NUP107: variants seen among roughly 807,000 people sequenced by gnomAD.
NUP107 encodes the protein nucleoporin 107.
Under a neutral mutation model 141.0 loss-of-function variants are expected in NUP107, and 101 were observed. The observed-to-expected ratio is 0.72, with a 90% CI of 0.61 to 0.84. The LOEUF (loss-of-function observed/expected upper bound fraction) is 0.84, where lower values mean the gene tolerates loss of function less well. NUP107 is among the 40% of genes least tolerant of loss of function. The pLI is 0.00. For synonymous variants in NUP107, 319 were observed against 363.9 expected (o/e 0.88, Z 1.41); for missense variants, 941 against 1,102.7 (o/e 0.85, Z 2.08).
chr12:68,719,736 A>G lies in NUP107; in HGVS notation c.1251+82A>G, dbSNP rs978523000. 7.0e-6 allele frequency: 7 copies of G among 995,504 alleles called. No homozygotes were observed. The African/African-American group carries it at 9.7e-5, about 14-fold the overall frequency. The allele number at this position is 995,504 out of a possible 1,614,324, so 61.7% of individuals were successfully genotyped here. Reference sequence around the variant, plus strand: ...TATTCAGGGGCTGTGAAACATTGAAAGTAGTGTAAAACTGGTTTTCAGAGA... The same window carrying G: ...TATTCAGGGGCTGTGAAACATTGAAGGTAGTGTAAAACTGGTTTTCAGAGA... On this transcript the variant is annotated intron_variant, in intron 14 of 27. Transcript: ENST00000229179.
At position 68,687,057 on chromosome 12, in the gene NUP107, G is replaced by T. The variant is rs746342759; in HGVS notation, c.-9G>T. The T allele has an allele frequency of 1.9e-6, 3 of 1,614,086 alleles. No individual in the cohort carries two copies. The highest frequency in any genetic ancestry group is 1.3e-5 in the African/African-American group (1 of 74,950). On this transcript the variant is annotated 5_prime_UTR_variant, in exon 1 of 28. Coordinates refer to ENST00000229179, the MANE Select transcript of NUP107 (RefSeq NM_020401.4). ...CCAACTTTGGTTGTGTGTGGAAAAG[G>T]CTTTAGCCATGGACAGGTCAGTACT...
intron 26 of NUP107, among the ~76,000 whole-genome samples, chr12:68,741,418 C>T (rs1181269364): frequency 1.3e-5 from 2 of 152,146 alleles, no homozygotes; most frequent in Non-Finnish European, 2.9e-5. Flanking sequence ...TGCCCCTCCC[C>T]ACATCGTCTT....
chr12:68,700,697 A>T (rs1313133503), intron 6 of NUP107, 29 bp from the exon 7 acceptor site: 3 of 1,503,158 alleles, frequency 2.0e-6, no homozygotes, highest in Non-Finnish European at 2.7e-6. Flanking sequence ...TAGAAAATTA[A>T]CCTCTTTACA....
chr12:68,706,625 GGCCGCCATC>G, intron 8 of NUP107: 1 of 709,150 alleles, frequency 1.4e-6, no homozygotes, highest in Non-Finnish European at 2.6e-6. Flanking sequence ...CTTCCCTGGA[GGCCGCCATC>G]GCAGATGCTG....
intron 12 of NUP107, among the ~76,000 whole-genome samples, chr12:68,718,598 T>C (rs1348555716): frequency 1.3e-5 from 2 of 152,100 alleles, no homozygotes; most frequent in Non-Finnish European, 2.9e-5. Flanking sequence ...GGGAACGTAT[T>C]GTTAAGCCTA....
chr12:68,713,043 G>A (rs144042498), intron 10 of NUP107, among the ~76,000 whole-genome samples: 132 of 151,912 alleles, frequency 8.7e-4, no homozygotes, highest in Non-Finnish European at 1.6e-3. Context: ...CAAAAAAATT[G>A]GTTTGACTTT....
At chr12:68,703,146 A>C (rs1235599904) in intron 8 of NUP107, among the ~76,000 whole-genome samples, 2 of 152,112 alleles carry the variant, frequency 1.3e-5, no homozygotes, top group Non-Finnish European at 2.9e-5. Flanking sequence ...GCGCCCAGCC[A>C]GGATTTTATT....
At chr12:68,736,647 C>A (rs1040174421) in intron 26 of NUP107, among the ~76,000 whole-genome samples, 7 of 151,666 alleles carry the variant, frequency 4.6e-5, no homozygotes, top group Non-Finnish European at 7.4e-5. Flanking sequence ...GAACTTCTAG[C>A]CTCAAGCTGT....
intron 18 of NUP107, among the ~76,000 whole-genome samples, chr12:68,726,124 G>A (rs970005770): frequency 6.6e-6 from 1 of 152,080 alleles, no homozygotes; most frequent in African/African-American, 2.4e-5. Flanking sequence ...ACATGGGATT[G>A]CAGGCATGAG....
At chr12:68,706,804 G>C (rs1474166624) in intron 8 of NUP107, 3 of 757,228 alleles carry the variant, frequency 4.0e-6, no homozygotes, top group Non-Finnish European at 7.4e-6. Context: ...AAAGGAAGCT[G>C]CTGGAGGATG....
chr12:68,699,606 T>C (rs2136006049), intron 6 of NUP107, among the ~76,000 whole-genome samples: 1 of 152,294 alleles, frequency 6.6e-6, no homozygotes, highest in African/African-American at 2.4e-5. Flanking sequence ...ATGTAATGAA[T>C]GAAGTACAGA....
intron 26 of NUP107, 90 bp downstream of exon 26, chr12:68,735,434 C>G: frequency 4.6e-6 from 4 of 870,968 alleles, no homozygotes; most frequent in Non-Finnish European, 7.8e-6. Flanking sequence ...GGAGCATCTA[C>G]AGATTTTACA....
At position 68,726,633 on chromosome 12, in the gene NUP107, C is replaced by G; in HGVS notation, c.1695+16C>G. The G allele has an allele frequency of 6.9e-7, 1 of 1,453,366 alleles. No individual in the cohort carries two copies. The highest frequency in any genetic ancestry group is 9.7e-7 in the Non-Finnish European group (1 of 1,035,764). 90.0% of individuals were successfully genotyped at this position (1,453,366 alleles called of 1,614,324 possible). ...ACAGACCAAGGTATATAAAAATGAA[C>G]GATTTCTTCTTCTCTGTAATGTTGA... On this transcript the variant is annotated intron_variant, in intron 19 of 27. Transcript: ENST00000229179.
At chr12:68,710,150 C>A in intron 10 of NUP107, 57 bp downstream of exon 10, 1 of 888,086 alleles carries the variant, frequency 1.1e-6, no homozygotes, top group Non-Finnish European at 1.8e-6. Flanking sequence ...GTTCATTCAT[C>A]TTTCAATAAG....
At chr12:68,721,299 G>A (rs1877339334) in intron 15 of NUP107, 122 bp downstream of exon 15, 1 of 565,084 alleles carries the variant, frequency 1.8e-6, no homozygotes, top group African/African-American at 1.9e-5. Flanking sequence ...ACATACTTAA[G>A]TGTAGCAATG....
At chr12:68,731,457 C>A (rs1877824309) in intron 21 of NUP107, 150 bp from the exon 22 acceptor site, 3 of 620,558 alleles carry the variant, frequency 4.8e-6, no homozygotes, top group Admixed American at 7.6e-5. Context: ...TTAATTCTGG[C>A]ATTTTCTTTT....
chr12:68,742,448 GA>G lies in NUP107; in HGVS notation c.2767del (p.Ile923PhefsTer38). 2 of 1,565,314 alleles carry G rather than the reference GA, an allele frequency of 1.3e-6. No individual in the cohort carries two copies. Among genetic ancestry groups the G allele is most frequent in the Non-Finnish European group, 1.7e-6 (2 of 1,146,826 alleles). On this transcript the variant is annotated frameshift_variant, in exon 28 of 28. Transcript: ENST00000229179. LOFTEE classifies it high-confidence loss of function. The stretch of plus-strand genomic sequence containing the variant: ...CCAGGGACTTGACCCATTAGGGTAT[GA>G]AATTCAGTTATAGTTTAATCTTTGT... ...LDQGLDPLGY[E>X]IQL
At chr12:68,696,748 C>T (rs1876076082) in intron 5 of NUP107, 71 bp from the exon 6 acceptor site, 1 of 813,926 alleles carries the variant, frequency 1.2e-6, no homozygotes, top group Non-Finnish European at 1.9e-6. Context: ...CATTTTCAAA[C>T]AAACGGAATT....
intron 5 of NUP107, among the ~76,000 whole-genome samples, chr12:68,694,071 A>G (rs927544741): frequency 1.3e-5 from 2 of 152,232 alleles, no homozygotes; most frequent in Non-Finnish European, 2.9e-5. Context: ...CCACCTGGCT[A>G]GGAAGTAGTG....
Sources: gnomAD v4.1 joint callset for allele counts (sites outside exome capture counted in the v4.1 genomes callset) on GRCh38, gnomAD v4.1.1 for gene constraint, MANE v1.5 for transcripts, NCBI Gene and HGNC (gene_info 2026-07-23, HGNC 2026-07-21) for gene names.